Variants in ODAD2 observed in about 807,000 individuals in gnomAD.
ODAD2 encodes outer dynein arm docking complex subunit 2.
Under a neutral mutation model 106.8 loss-of-function variants are expected in ODAD2, and 89 were observed. That is an observed-to-expected ratio of 0.83 (90% CI 0.70 to 0.99). The LOEUF (loss-of-function observed/expected upper bound fraction) is 0.99, where lower values mean the gene tolerates loss of function less well. Ranked by LOEUF, ODAD2 falls within the 50% of genes least tolerant of loss-of-function variation. ODAD2 has a pLI of 0.00. For missense variants in ODAD2, 1,168 were observed against 1,238.5 expected (o/e 0.94, Z 0.85); for synonymous variants, 404 against 436.2 (o/e 0.93, Z 0.92).
chr10:27,813,475 G>C (rs757185842), intron 19 of ODAD2: 3 of 152,184 alleles, frequency 2.0e-5, no homozygotes, highest in Non-Finnish European at 4.4e-5. Flanking sequence ...ATGCATAGAA[G>C]ACAAACAAAT....
intron 7 of ODAD2, among the ~76,000 whole-genome samples, chr10:27,974,382 T>A (rs1849051905): frequency 1.3e-5 from 2 of 152,218 alleles, no homozygotes; most frequent in Admixed American, 6.5e-5. Context: ...AAGTCTTTTA[T>A]CCCGCTTGAG....
intron 6 of ODAD2, chr10:27,981,787 T>C (rs1359962233): frequency 2.8e-5 from 11 of 393,654 alleles, no homozygotes; most frequent in Non-Finnish European, 1.3e-5. Context: ...ATTCCTTCCT[T>C]CATTCAATTG....
At chr10:27,827,328 T>C (rs868827110) in intron 19 of ODAD2, among the ~76,000 whole-genome samples, 20 of 151,000 alleles carry the variant, frequency 1.3e-4, no homozygotes, top group African/African-American at 4.9e-4. Flanking sequence ...CTCAAATCTG[T>C]GTTTTTAAGG....
At chr10:27,876,578 C>CT (rs1841354072) in intron 17 of ODAD2, among the ~76,000 whole-genome samples, 1 of 152,230 alleles carries the variant, frequency 6.6e-6, no homozygotes, top group South Asian at 2.1e-4. Context: ...CCTGCAAACT[C>CT]TAACTCAACT....
intron 16 of ODAD2, among the ~76,000 whole-genome samples, chr10:27,925,795 A>T (rs1357663193): frequency 6.6e-6 from 1 of 152,206 alleles, no homozygotes; most frequent in Non-Finnish European, 1.5e-5. Context: ...GACAAAGAGG[A>T]TCCCTATCTC....
In ODAD2 at chr10:27,940,871, T is replaced by C. The variant is rs72799676; in HGVS notation, c.1744-66A>G. 1,095 of 1,513,084 alleles carry C rather than the reference T, an allele frequency of 7.2e-4. 1 individual carries two copies. The highest frequency in any genetic ancestry group is 9.2e-4 in the Non-Finnish European group (1,016 of 1,107,646). 93.7% of individuals were successfully genotyped at this position (1,513,084 alleles called of 1,614,324 possible). On this transcript the variant is annotated intron_variant, in intron 12 of 19. Coordinates refer to ENST00000305242, the MANE Select transcript of ODAD2 (RefSeq NM_018076.5). ...AAAGAACATTTAAGGCATTCTTCAA[T>C]AGCTACAGTGTTCCTTACCAAGCTC...
At chr10:27,880,615 T>C (rs759439808) in intron 17 of ODAD2, among the ~76,000 whole-genome samples, 4 of 152,170 alleles carry the variant, frequency 2.6e-5, no homozygotes, top group Non-Finnish European at 5.9e-5. Context: ...GTGGAATTAA[T>C]GCCTTTATAA....
chr10:27,848,963 AC>A (rs753955237), intron 19 of ODAD2, among the ~76,000 whole-genome samples: 7 of 152,194 alleles, frequency 4.6e-5, no homozygotes, highest in Non-Finnish European at 1.0e-4. Flanking sequence ...GGGACTGTAA[AC>A]TAGTTCAACC....
chr10:27,869,180 T>C (rs750607142), intron 17 of ODAD2, among the ~76,000 whole-genome samples: 5 of 151,942 alleles, frequency 3.3e-5, no homozygotes, highest in Non-Finnish European at 7.4e-5. Flanking sequence ...CAAGAACAAA[T>C]AAAGATAATG....
chr10:27,866,232 A>G (rs1404262341), intron 17 of ODAD2, among the ~76,000 whole-genome samples: 1 of 152,184 alleles, frequency 6.6e-6, no homozygotes, highest in Non-Finnish European at 1.5e-5. Context: ...GAGCTTTAGT[A>G]TTTGCATGTC....
chr10:27,940,054 A>T, intron 13 of ODAD2, 47 bp from the exon 14 acceptor site: 1 of 1,297,738 alleles, frequency 7.7e-7, no homozygotes, highest in Non-Finnish European at 1.1e-6. Context: ...CGTGAATATA[A>T]GTAACTGTTT....
At position 27,994,943 on chromosome 10, in the gene ODAD2, G is replaced by T; in HGVS notation, c.200C>A (p.Ala67Glu). Residue 67 changes from alanine (A) to glutamate (E), a missense_variant, in exon 2 of 20, where the codon GCA becomes GAA. By Grantham distance (107) the Ala-to-Glu change is moderately radical. Transcript: ENST00000305242. ...CCTGACAACATAACCTGATTCAAATGCTGAGGGCGCCAAACTTGTGTTCCA... is the reference window on the plus strand; with the variant it reads ...CCTGACAACATAACCTGATTCAAATTCTGAGGGCGCCAAACTTGTGTTCCA... ...LEWNTSLAPS[A>E]FESGYVVSET... 1 of 1,614,156 alleles carries T rather than the reference G, an allele frequency of 6.2e-7. No individual in the cohort carries two copies. Among genetic ancestry groups the T allele is most frequent in the Non-Finnish European group, 8.5e-7 (1 of 1,180,028 alleles).
At chr10:27,928,809 A>ATTCCC (rs776083738) in intron 16 of ODAD2, among the ~76,000 whole-genome samples, 1 of 152,108 alleles carries the variant, frequency 6.6e-6, no homozygotes, top group Non-Finnish European at 1.5e-5. Context: ...ACTAGCCTAC[A>ATTCCC]TTTACACACA....
At chr10:27,816,687 T>A (rs1486694134) in intron 19 of ODAD2, among the ~76,000 whole-genome samples, 1 of 152,172 alleles carries the variant, frequency 6.6e-6, no homozygotes, top group Admixed American at 6.5e-5. Context: ...TTCCTTTGAG[T>A]ATTGACAAGA....
intron 10 of ODAD2, among the ~76,000 whole-genome samples, chr10:27,947,069 A>G (rs1384352531): frequency 1.3e-5 from 2 of 152,196 alleles, no homozygotes; most frequent in African/African-American, 4.8e-5. Flanking sequence ...CTATTTACTA[A>G]TAAGTCATGT....
At chr10:27,916,009 G>A (rs1475645949) in intron 16 of ODAD2, among the ~76,000 whole-genome samples, 1 of 152,254 alleles carries the variant, frequency 6.6e-6, no homozygotes, top group South Asian at 2.1e-4. Context: ...TAAGTGTAGG[G>A]GGAAACAGTC....
At chr10:27,924,006 GAA>G (rs747675835) in intron 16 of ODAD2, among the ~76,000 whole-genome samples, 2,239 of 130,520 alleles carry the variant, frequency 0.017, 132 homozygotes, top group Non-Finnish European at 0.024. Flanking sequence ...AAGAAAGAAA[GAA>G]AGAAAGAAAG....
chr10:27,836,395 C>CT (rs754855981), intron 19 of ODAD2, among the ~76,000 whole-genome samples: 174 of 152,100 alleles, frequency 1.1e-3, no homozygotes, highest in Non-Finnish European at 2.0e-3. Flanking sequence ...TGCATCCTGT[C>CT]TTTTTTACGT....
At chr10:27,922,404 T>A (rs76502818) in intron 16 of ODAD2, among the ~76,000 whole-genome samples, 3,513 of 152,072 alleles carry the variant, frequency 0.023, 113 homozygotes, top group African/African-American at 0.07. Context: ...TAAGTAAATA[T>A]ATATGTAACT....
Sources: allele counts gnomAD v4.1 joint callset (sites outside exome capture counted in the v4.1 genomes callset), GRCh38; gene constraint gnomAD v4.1.1; transcripts MANE v1.5; gene names NCBI Gene and HGNC (gene_info 2026-07-23, HGNC 2026-07-21).